EOGT: variants seen among roughly 807,000 people sequenced by gnomAD.
The protein encoded by EOGT is EGF domain-specific O-linked N-acetylglucosamine transferase.
Under a neutral mutation model 70.5 loss-of-function variants are expected in EOGT, and 55 were observed. The ratio of observed to expected loss-of-function variants is 0.78; its 90% confidence interval spans 0.63 to 0.98. The LOEUF (loss-of-function observed/expected upper bound fraction) is 0.98. Among genes scored for constraint, EOGT ranks in the 50% least tolerant of loss-of-function variants. The probability of loss-of-function intolerance (pLI) is 0.00; values close to 1 mark genes in which losing one functional copy is unlikely to be tolerated. For synonymous variants in EOGT, 246 were observed against 217.1 expected (o/e 1.13, Z -1.17); for missense variants, 703 against 641.9 (o/e 1.10, Z -1.03).
At chr3:69,011,315 T>C (rs1039885612) in intron 3 of EOGT, among the ~76,000 whole-genome samples, 10 of 151,468 alleles carry the variant, frequency 6.6e-5, no homozygotes, top group Non-Finnish European at 2.9e-5. Flanking sequence ...GAAATCAGTC[T>C]TCATTGATTA....
At chr3:68,982,713 C>T (rs1031316409) in intron 15 of EOGT, 98 bp downstream of exon 15, 2 of 782,994 alleles carry the variant, frequency 2.6e-6, no homozygotes, top group African/African-American at 3.5e-5. Flanking sequence ...TCTGGGCCTA[C>T]AAATGCCAAT....
At chr3:68,992,898 G>A (rs2091035616) in intron 10 of EOGT, among the ~76,000 whole-genome samples, 1 of 152,326 alleles carries the variant, frequency 6.6e-6, no homozygotes, top group East Asian at 1.9e-4. Context: ...TCCACCCTCT[G>A]AAGCCACAGC....
intron 6 of EOGT, 60 bp downstream of exon 6, chr3:69,007,653 A>C: frequency 8.2e-7 from 1 of 1,215,652 alleles, no homozygotes; most frequent in South Asian, 1.4e-5. Context: ...CTCCGTCTCA[A>C]AAATAAATAA....
chr3:68,978,560 G>A (rs2090540554), intron 16 of EOGT, 125 bp from the exon 17 acceptor site: 1 of 606,128 alleles, frequency 1.6e-6, no homozygotes, highest in Non-Finnish European at 2.9e-6. Context: ...CAAGACTGAG[G>A]AAGACAGTAA....
chr3:68,991,484 G>A (rs1250453121), intron 10 of EOGT, among the ~76,000 whole-genome samples: 5 of 152,118 alleles, frequency 3.3e-5, no homozygotes, highest in African/African-American at 1.2e-4. Flanking sequence ...GGGGTGGAGT[G>A]GGAAATGAAT....
At chr3:69,011,696 G>A (rs1272974760) in intron 3 of EOGT, among the ~76,000 whole-genome samples, 2 of 151,844 alleles carry the variant, frequency 1.3e-5, no homozygotes, top group African/African-American at 4.8e-5. Context: ...AGTGAACAGT[G>A]GGGACACCAA....
Position 69,001,710 on chromosome 3 carries a change from C to A in EOGT, c.625G>T (p.Ala209Ser). 2 of 1,604,804 alleles carry A rather than the reference C, an allele frequency of 1.2e-6. No homozygotes were observed. The highest frequency in any genetic ancestry group is 1.7e-6 in the Non-Finnish European group (2 of 1,173,720). The change falls in exon 9 of 18, where the codon GCT (alanine) becomes TCT (serine). Residue 209 changes from alanine to serine, a missense_variant. Coordinates refer to ENST00000383701, the MANE Select transcript of EOGT (RefSeq NM_001278689.2). ...AGCTGAGTATAGCTTTGTAGCTCAG[C>A]AAACCTGAAATTATGAATTGGGACA... ...QRKSPLQSWF[A>S]ELQSYTQLNF...
intron 14 of EOGT, among the ~76,000 whole-genome samples, chr3:68,985,246 C>G (rs370011720): frequency 6.6e-6 from 1 of 152,126 alleles, no homozygotes; most frequent in East Asian, 1.9e-4. Flanking sequence ...ATTTCTAGGT[C>G]TTTAAACACA....
rs865855801 is a variant in EOGT at position 69,004,474 on chromosome 3, T to C, written c.524A>G (p.Glu175Gly). The change falls in exon 8 of 18, where the codon GAG (glutamate) becomes GGG (glycine). Residue 175 changes from glutamate to glycine, a missense_variant. Glu to Gly is a moderately conservative substitution (Grantham distance 98). Coordinates refer to ENST00000383701, the MANE Select transcript of EOGT (RefSeq NM_001278689.2). ...AATTTCACCACTCTGGAAAAAGTCC[T>C]CCTTAAATCTGGTATATAACAAAAC... ...NIKRNHDRFK[E>G]DFFQSGEIGG... is the part of the protein sequence containing the mutation. The C allele has an allele frequency of 1.2e-6, 2 of 1,611,514 alleles. No homozygotes were observed. Among genetic ancestry groups the C allele is most frequent in the African/African-American group, 1.3e-5 (1 of 74,998 alleles).
chr3:68,992,817 C>T (rs2091032829), intron 10 of EOGT, among the ~76,000 whole-genome samples: 1 of 152,222 alleles, frequency 6.6e-6, no homozygotes, highest in Non-Finnish European at 1.5e-5. Context: ...GTGGAGGTTC[C>T]CAAACCTCAA....
chr3:68,980,394 A>G (rs1303177726), intron 15 of EOGT, among the ~76,000 whole-genome samples: 2 of 152,186 alleles, frequency 1.3e-5, no homozygotes, highest in African/African-American at 2.4e-5. Flanking sequence ...CAAATCCACA[A>G]TTTTATGCAT....
Position 68,976,660 on chromosome 3 carries a change from G to GTGTGTGTGTT in EOGT, c.*957_*958insAACACACACA, listed in dbSNP as rs2090480354. The GTGTGTGTGTT allele has an allele frequency of 6.6e-6, 1 of 152,554 alleles. No homozygotes were observed. The highest frequency in any genetic ancestry group is 2.1e-4 in the South Asian group (1 of 4,810). 9.5% of individuals were successfully genotyped at this position (152,554 alleles called of 1,614,324 possible). A position where few individuals can be genotyped will look rare whatever the true frequency, so the allele number is the denominator to read the frequency against. Reference sequence around the variant, plus strand: ...ACTCTGCGTGTGTGTGTGTGTGTGTGTGTGTGTGTGTATGTTTTGCATGTT... The same window carrying GTGTGTGTGTT: ...ACTCTGCGTGTGTGTGTGTGTGTGTGTGTGTGTGTTTGTGTGTGTGTATGTTTTGCATGTT... On this transcript the variant is annotated 3_prime_UTR_variant, in exon 18 of 18. Transcript: ENST00000383701.
At chr3:68,997,527 T>C (rs2091184396) in intron 10 of EOGT, among the ~76,000 whole-genome samples, 1 of 152,062 alleles carries the variant, frequency 6.6e-6, no homozygotes, top group Non-Finnish European at 1.5e-5. Context: ...TGCCACCGTA[T>C]CTGGCTAATT....
rs111916082 is a variant in EOGT at position 68,996,921 on chromosome 3, T to C, written c.831+1090A>G. Among the ~76,000 whole-genome samples the C allele has an allele frequency of 4.6e-3, 706 of 152,334 alleles. 9 individuals are homozygous for C. The highest frequency in any genetic ancestry group is 0.016 in the African/African-American group (664 of 41,576). On this transcript the variant is annotated intron_variant, in intron 10 of 17. Transcript: ENST00000383701. ...ATTCTCCTTATTGTAATTGTCACAGTTAACATTCAGAGCACAAGTACTGTG... is the reference window on the plus strand; with the variant it reads ...ATTCTCCTTATTGTAATTGTCACAGCTAACATTCAGAGCACAAGTACTGTG...
At chr3:68,996,225 T>C (rs2091143091) in intron 10 of EOGT, among the ~76,000 whole-genome samples, 1 of 152,216 alleles carries the variant, frequency 6.6e-6, no homozygotes, top group African/African-American at 2.4e-5. Context: ...CCAAGAATTA[T>C]AGTCTCATCA....
Position 69,008,546 on chromosome 3 carries a change from C to T in EOGT, c.211-18G>A, listed in dbSNP as rs2091494705. ...AGGTGTTTCTAGAACATAAAACTTACATTGATTTCCCTTCTTCTGACATTT... is the reference window on the plus strand; with the variant it reads ...AGGTGTTTCTAGAACATAAAACTTATATTGATTTCCCTTCTTCTGACATTT... On this transcript the variant is annotated intron_variant, in intron 4 of 17. Transcript: ENST00000383701. 3.9e-6 allele frequency: 6 copies of T among 1,558,206 alleles called. No homozygotes were observed. The highest frequency in any genetic ancestry group is 1.1e-5 in the South Asian group (1 of 89,454).
chr3:68,997,199 C>CCTAA (rs964180254), intron 10 of EOGT, among the ~76,000 whole-genome samples: 1 of 152,122 alleles, frequency 6.6e-6, no homozygotes, highest in African/African-American at 2.4e-5. Flanking sequence ...TATGTGCATG[C>CCTAA]CTAAGACCTG....
chr3:68,988,445 C>CA (rs1183106256), intron 12 of EOGT, 61 bp downstream of exon 12: 2 of 1,487,396 alleles, frequency 1.3e-6, no homozygotes, highest in African/African-American at 2.8e-5. Context: ...AAGATACTGT[C>CA]AACTTATGTA....
intron 4 of EOGT, 141 bp downstream of exon 4, chr3:69,009,496 A>G (rs568502211): frequency 6.4e-6 from 4 of 626,622 alleles, no homozygotes; most frequent in African/African-American, 5.5e-5. Flanking sequence ...ACTTAGAAGT[A>G]TTATATGAAA....
Sources: gnomAD v4.1 joint callset for allele counts (sites outside exome capture counted in the v4.1 genomes callset) on GRCh38, gnomAD v4.1.1 for gene constraint, MANE v1.5 for transcripts, NCBI Gene and HGNC (gene_info 2026-07-23, HGNC 2026-07-21) for gene names.